TTLL7: variants seen among roughly 807,000 people sequenced by gnomAD.
The protein encoded by TTLL7 is tubulin tyrosine ligase like 7.
In TTLL7, 53 loss-of-function variants were observed where a neutral mutation model predicts 120.2. The observed-to-expected ratio is 0.44, with a 90% CI of 0.35 to 0.55. TTLL7 has a LOEUF of 0.55. Ranked by LOEUF, TTLL7 falls within the 20% of genes least tolerant of loss-of-function variation. The pLI, the probability that TTLL7 is intolerant of heterozygous loss-of-function variation, is 0.00. For missense variants in TTLL7, 803 were observed against 1,054.7 expected (o/e 0.76, Z 3.31); for synonymous variants, 353 against 351.7 (o/e 1.00, Z -0.04).
chr1:83,982,405 C>A (rs1451682967), intron 1 of TTLL7, among the ~76,000 whole-genome samples: 3 of 151,776 alleles, frequency 2.0e-5, no homozygotes, highest in South Asian at 2.1e-4. Flanking sequence ...AGAAAAAAAA[C>A]TTATATAAAT....
intron 17 of TTLL7, among the ~76,000 whole-genome samples, chr1:83,905,208 A>C (rs1657081260): frequency 6.6e-6 from 1 of 151,936 alleles, no homozygotes; most frequent in Non-Finnish European, 1.5e-5. Flanking sequence ...GCTTTCTTTC[A>C]TTTCCTTTAA....
chr1:83,957,434 A>G (rs1218269496), intron 1 of TTLL7, among the ~76,000 whole-genome samples: 4 of 152,202 alleles, frequency 2.6e-5, no homozygotes, highest in African/African-American at 9.6e-5. Flanking sequence ...TTAAATAAAA[A>G]CATAATAAGA....
At position 83,890,323 on chromosome 1, in the gene TTLL7, T is replaced by C. The variant is rs1350343039; in HGVS notation, c.2367A>G (p.Ser789=). 6.2e-7 allele frequency: 1 copy of C among 1,610,682 alleles called. No homozygotes were observed. The highest frequency in any genetic ancestry group is 1.3e-5 in the African/African-American group (1 of 74,754). ...ATAAAAGATGACTTAGAGCTTACCC[T>C]GAATCACAGAAACAGTTCCACAGCC... is the stretch of plus-strand genomic sequence containing the variant. ...GQGLWNCFCD[S]GSSWESIFNK... The change falls in exon 19 of 21, where the codon TCA becomes TCG. Residue 789 remains serine, a splice_region_variant and synonymous_variant. Coordinates refer to ENST00000260505, the MANE Select transcript of TTLL7 (RefSeq NM_024686.6).
intron 1 of TTLL7, among the ~76,000 whole-genome samples, chr1:83,967,986 T>A (rs559717387): frequency 4.6e-5 from 7 of 152,020 alleles, no homozygotes; most frequent in Non-Finnish European, 8.8e-5. Flanking sequence ...GTAAGAACAG[T>A]CGGGATGGCA....
At chr1:83,880,684 T>A (rs1654366743) in intron 20 of TTLL7, among the ~76,000 whole-genome samples, 1 of 152,096 alleles carries the variant, frequency 6.6e-6, no homozygotes, top group African/African-American at 2.4e-5. Flanking sequence ...AAACTTAGAT[T>A]CAATGCCATC....
At chr1:83,950,979 G>C (rs1326210707) in intron 3 of TTLL7, among the ~76,000 whole-genome samples, 3 of 152,142 alleles carry the variant, frequency 2.0e-5, no homozygotes, top group Non-Finnish European at 1.5e-5. Flanking sequence ...GAGTATATGA[G>C]AGACACTGCC....
intron 1 of TTLL7, among the ~76,000 whole-genome samples, chr1:83,974,849 C>A (rs1370243566): frequency 6.6e-6 from 1 of 152,004 alleles, no homozygotes; most frequent in African/African-American, 2.4e-5. Context: ...AATTTTCAAT[C>A]TAAAAATTTT....
Position 83,929,172 on chromosome 1 carries a change from C to T in TTLL7, c.1106G>A (p.Gly369Glu), listed in dbSNP as rs1169970701. Residue 369 changes from glycine (G) to glutamate (E), a missense_variant, in exon 10 of 21, where the codon GGA (glycine) becomes GAA (glutamate). Transcript: ENST00000260505. Reference sequence around the variant, plus strand: ...TAGCTTCAACGCATTTAGCAGCACTCCCCTTTTTACATCATAGTCTATTTT... The same window carrying T: ...TAGCTTCAACGCATTTAGCAGCACTTCCCTTTTTACATCATAGTCTATTTT... ...DQKIDYDVKR[G>E]VLLNALKLLN... is the part of the protein sequence containing the mutation. 6.2e-7 allele frequency: 1 copy of T among 1,612,782 alleles called. No individual in the cohort carries two copies. Among genetic ancestry groups the T allele is most frequent in the East Asian group, 2.2e-5 (1 of 44,820 alleles).
At chr1:83,882,415 C>CTG (rs34750095) in intron 20 of TTLL7, among the ~76,000 whole-genome samples, 119,931 of 151,532 alleles carry the variant, frequency 0.79, 47,802 homozygotes, top group East Asian at 0.89. Flanking sequence ...TTTCTTTACT[C>CTG]TGTGTTTCTG....
At chr1:83,944,624 C>A (rs1206952563) in intron 6 of TTLL7, among the ~76,000 whole-genome samples, 2 of 152,176 alleles carry the variant, frequency 1.3e-5, no homozygotes, top group Non-Finnish European at 2.9e-5. Context: ...AGGAGAGTCA[C>A]TTGAACCTGG....
intron 3 of TTLL7, among the ~76,000 whole-genome samples, 171 bp downstream of exon 3, chr1:83,951,674 T>C (rs1649066830): frequency 6.6e-6 from 1 of 152,224 alleles, no homozygotes; most frequent in Non-Finnish European, 1.5e-5. Context: ...TATCATCTTC[T>C]ACCACACAGA....
Position 83,868,642 on chromosome 1 carries a change from C to A in TTLL7, c.*1320G>T, listed in dbSNP as rs547052980. The A allele has an allele frequency of 3.9e-5, 6 of 152,220 alleles. No individual in the cohort carries two copies. The South Asian group carries it at 1.2e-3, about 32-fold the overall frequency. The allele number at this position is 152,220 out of a possible 1,614,324, so 9.4% of individuals were successfully genotyped here. On this transcript the variant is annotated 3_prime_UTR_variant, in exon 21 of 21. Transcript: ENST00000260505. ...AATTTGCAATATAAGTTGATTTCAACCTTGAGAGATTTATAAAAATAAGTT... is the reference window on the plus strand; with the variant it reads ...AATTTGCAATATAAGTTGATTTCAAACTTGAGAGATTTATAAAAATAAGTT...
chr1:83,906,579 G>C (rs1405830095), intron 16 of TTLL7, 116 bp from the exon 17 acceptor site: 2 of 1,442,992 alleles, frequency 1.4e-6, no homozygotes, highest in Non-Finnish European at 1.9e-6. Flanking sequence ...CAATAACAAT[G>C]AAAAAGGAAG....
intron 19 of TTLL7, among the ~76,000 whole-genome samples, chr1:83,886,171 T>G (rs1654955744): frequency 6.6e-6 from 1 of 152,058 alleles, no homozygotes; most frequent in African/African-American, 2.4e-5. Context: ...TCACCCACTT[T>G]CTCATCAAAA....
At chr1:83,871,810 T>C (rs774137514) in intron 20 of TTLL7, among the ~76,000 whole-genome samples, 23 of 143,524 alleles carry the variant, frequency 1.6e-4, no homozygotes, top group Admixed American at 4.5e-4. Flanking sequence ...GGCAGGAGAA[T>C]GGCATGAACC....
At chr1:83,973,707 T>C (rs539703026) in intron 1 of TTLL7, among the ~76,000 whole-genome samples, 1 of 152,254 alleles carries the variant, frequency 6.6e-6, no homozygotes, top group South Asian at 2.1e-4. Context: ...ACTTGGAATA[T>C]ATCTCCATTT....
In TTLL7 at chr1:83,954,986, G is replaced by C. The variant is rs1649385341; in HGVS notation, c.-176-2599C>G. On this transcript the variant is annotated intron_variant, in intron 1 of 20. Transcript: ENST00000260505. ...AAAATTTCAAGCAAATGTTAACCTT[G>C]AACATAGAACTGTCAAGCACCAATA... is the stretch of plus-strand genomic sequence containing the variant. Among the ~76,000 whole-genome samples, 3 of 151,900 alleles carry C rather than the reference G, an allele frequency of 2.0e-5. No individual in the cohort carries two copies. In the South Asian group the frequency reaches 6.2e-4, roughly 32 times the overall value.
intron 1 of TTLL7, among the ~76,000 whole-genome samples, chr1:83,967,422 T>A (rs547459157): frequency 6.6e-6 from 1 of 152,250 alleles, no homozygotes; most frequent in East Asian, 1.9e-4. Flanking sequence ...ACCTCATCTT[T>A]GGTCAGGGCT....
chr1:83,926,145 T>G (rs999835046), intron 10 of TTLL7, among the ~76,000 whole-genome samples: 1 of 150,380 alleles, frequency 6.6e-6, no homozygotes, highest in Non-Finnish European at 1.5e-5. Context: ...TAAATACATA[T>G]GAGTGATTAG....
Sources: allele counts gnomAD v4.1 joint callset (sites outside exome capture counted in the v4.1 genomes callset), GRCh38; gene constraint gnomAD v4.1.1; transcripts MANE v1.5; gene names NCBI Gene and HGNC (gene_info 2026-07-23, HGNC 2026-07-21).